Variants in GPAM observed in about 807,000 individuals in gnomAD.
GPAM encodes glycerol-3-phosphate acyltransferase, mitochondrial.
In GPAM, 56 loss-of-function variants were observed where a neutral mutation model predicts 105.0. The observed-to-expected ratio is 0.53, with a 90% CI of 0.43 to 0.67. The LOEUF is 0.67. GPAM is among the 30% of genes least tolerant of loss of function. GPAM has a pLI of 0.00. For missense variants in GPAM, 855 were observed against 989.8 expected, an observed-to-expected ratio of 0.86 and a Z score of 1.83; for synonymous variants, 368 against 354.4, an observed-to-expected ratio of 1.04 and a Z score of -0.43.
intron 1 of GPAM, among the ~76,000 whole-genome samples, chr10:112,195,225 C>T (rs920902036): frequency 3.9e-5 from 6 of 152,200 alleles, no homozygotes; most frequent in African/African-American, 7.2e-5. Flanking sequence ...ATACCCCCAT[C>T]GCTCTCCCTT....
chr10:112,225,017 A>G, the GPAM span, among the ~76,000 whole-genome samples: 1 of 152,176 alleles, frequency 6.6e-6, no homozygotes, highest in African/African-American at 2.4e-5. Flanking sequence ...AGTTTGAAGC[A>G]CATGCCTTAG....
chr10:112,174,208 A>G (rs977639021), intron 6 of GPAM, among the ~76,000 whole-genome samples: 1 of 152,240 alleles, frequency 6.6e-6, no homozygotes, highest in Non-Finnish European at 1.5e-5. Flanking sequence ...AGAGGTATCC[A>G]AAAGTCTACT....
At chr10:112,164,393 G>T in intron 13 of GPAM, 132 bp downstream of exon 13, 1 of 678,294 alleles carries the variant, frequency 1.5e-6, no homozygotes, top group Non-Finnish European at 2.7e-6. Flanking sequence ...ATCCCTTATT[G>T]GACTAAGAGA....
At chr10:112,221,914 CGAGA>C in the GPAM span, among the ~76,000 whole-genome samples, 2 of 152,064 alleles carry the variant, frequency 1.3e-5, no homozygotes, top group Non-Finnish European at 2.9e-5. Flanking sequence ...AATAAGAAAA[CGAGA>C]CTCACAAAGG....
chr10:112,187,110 C>G (rs1388426047), upstream of GPAM, among the ~76,000 whole-genome samples: 1 of 152,010 alleles, frequency 6.6e-6, no homozygotes, highest in African/African-American at 2.4e-5. Context: ...GTTAACACAT[C>G]AACAAAGAAG....
At chr10:112,159,216 C>CTTTTTTTTTT (rs35513817) in intron 17 of GPAM, among the ~76,000 whole-genome samples, 1 of 86,984 alleles carries the variant, frequency 1.1e-5, no homozygotes, top group Non-Finnish European at 2.2e-5. Flanking sequence ...AGATGATTTT[C>CTTTTTTTTTT]TTTTTTTTTT....
chr10:112,190,512 A>AG (rs2133281653), intron 1 of GPAM, among the ~76,000 whole-genome samples: 1 of 149,138 alleles, frequency 6.7e-6, no homozygotes, highest in East Asian at 2.0e-4. Context: ...AAAAAAAAAA[A>AG]AAGAAAAGAA....
At chr10:112,211,443 C>A (rs764145298) in intron 1 of GPAM, among the ~76,000 whole-genome samples, 2 of 152,160 alleles carry the variant, frequency 1.3e-5, no homozygotes, top group African/African-American at 2.4e-5. Context: ...ATGGCCAGGG[C>A]GGCAAGTATT....
chr10:112,185,575 C>T (rs1339321011), upstream of GPAM, among the ~76,000 whole-genome samples: 1 of 628 alleles, frequency 1.6e-3, no homozygotes, highest in East Asian at 0.056. Context: ...CACACAGACA[C>T]ACACACACAC....
At chr10:112,224,195 T>C in the GPAM span, among the ~76,000 whole-genome samples, 4 of 152,224 alleles carry the variant, frequency 2.6e-5, no homozygotes, top group Non-Finnish European at 5.9e-5. Flanking sequence ...GTATAAAGTA[T>C]TCCTTCAATG....
At chr10:112,203,235 A>T (rs1177544433) in intron 1 of GPAM, among the ~76,000 whole-genome samples, 8 of 152,244 alleles carry the variant, frequency 5.3e-5, no homozygotes, top group African/African-American at 1.9e-4. Flanking sequence ...AAAGTATTAG[A>T]CAAAATATTC....
At chr10:112,199,183 T>C (rs1847763386) in intron 1 of GPAM, among the ~76,000 whole-genome samples, 2 of 151,044 alleles carry the variant, frequency 1.3e-5, no homozygotes, top group Non-Finnish European at 2.9e-5. Flanking sequence ...CTCAAACTCC[T>C]GAGCTCAGGC....
chr10:112,192,508 G>A (rs929070669), intron 1 of GPAM, among the ~76,000 whole-genome samples: 22 of 152,192 alleles, frequency 1.4e-4, no homozygotes, highest in Admixed American at 1.2e-3. Flanking sequence ...CTACACTGAG[G>A]CCAGGGTGTG....
At chr10:112,153,769 A>T in intron 21 of GPAM, 103 bp from the exon 22 acceptor site, 1 of 1,339,310 alleles carries the variant, frequency 7.5e-7, no homozygotes, top group Admixed American at 2.1e-5. Flanking sequence ...GAAGGCAGTA[A>T]AGGCACAAAA....
In GPAM at chr10:112,168,854, C is replaced by T. The variant is rs552284961; in HGVS notation, c.893G>A (p.Gly298Glu). ...KDVLYRALLH[G>E]HIVELLRQQQ... ...AGGATAATTAGAGATCACACATACC[C>T]CATGGAGCAAAGCTCTATAGAGAAC... Residue 298 changes from glycine to glutamate, a missense_variant and splice_region_variant, in exon 10 of 22, where the codon GGG becomes GAG. Gly to Glu is a moderately conservative substitution (Grantham distance 98). Coordinates refer to ENST00000348367, the MANE Select transcript of GPAM (RefSeq NM_001244949.2). 43 of 1,565,132 alleles carry T rather than the reference C, an allele frequency of 2.7e-5. No homozygotes were observed. The South Asian group carries it at 4.3e-4, about 16-fold the overall frequency.
At chr10:112,163,313 T>C (rs1159398231) in intron 14 of GPAM, among the ~76,000 whole-genome samples, 1 of 152,242 alleles carries the variant, frequency 6.6e-6, no homozygotes, top group Non-Finnish European at 1.5e-5. Flanking sequence ...CCACTCATAT[T>C]TGCTGCATTA....
At chr10:112,224,582 C>T in the GPAM span, among the ~76,000 whole-genome samples, 1 of 152,040 alleles carries the variant, frequency 6.6e-6, no homozygotes, top group African/African-American at 2.4e-5. Context: ...CTGGGAAACA[C>T]CGTGTTCCCC....
At chr10:112,220,190 G>A (rs1473511364), upstream of GPAM, among the ~76,000 whole-genome samples, 2 of 152,002 alleles carry the variant, frequency 1.3e-5, no homozygotes, top group Admixed American at 6.5e-5. Flanking sequence ...ACACCCCTAT[G>A]ATTGGATCCC....
chr10:112,225,370 G>A, the GPAM span, among the ~76,000 whole-genome samples: 1 of 152,204 alleles, frequency 6.6e-6, no homozygotes, highest in Non-Finnish European at 1.5e-5. Flanking sequence ...TGGAAAGCCA[G>A]GGACTGGGGT....
Sources: gnomAD v4.1 joint callset for allele counts (sites outside exome capture counted in the v4.1 genomes callset) on GRCh38, gnomAD v4.1.1 for gene constraint, MANE v1.5 for transcripts, NCBI Gene and HGNC (gene_info 2026-07-23, HGNC 2026-07-21) for gene names.